The following NOMO1 variants were observed in gnomAD, a reference collection of about 807,000 sequenced individuals.
The protein encoded by NOMO1 is NODAL modulator 1, also known as nodal modulator 3.
In NOMO1, 40 loss-of-function variants were observed where a neutral mutation model predicts 133.8. The observed-to-expected ratio is 0.30, with a 90% CI of 0.23 to 0.39. The LOEUF is 0.39. Among genes scored for constraint, NOMO1 ranks in the 10% least tolerant of loss-of-function variants. NOMO1 has a pLI of 1.00. For synonymous variants in NOMO1, 236 were observed against 570.5 expected, an observed-to-expected ratio of 0.41 and a Z score of 8.36; for missense variants, 462 against 1,419.9, an observed-to-expected ratio of 0.33 and a Z score of 10.84.
intron 6 of NOMO1, among the ~76,000 whole-genome samples, chr16:14,851,243 C>T (rs1963754601): frequency 6.6e-6 from 1 of 151,798 alleles, no homozygotes; most frequent in South Asian, 2.1e-4. Flanking sequence ...TGTTAGAAGT[C>T]AGGATAATGT....
intron 1 of NOMO1, among the ~76,000 whole-genome samples, chr16:14,837,364 A>G (rs1317029473): frequency 1.3e-5 from 2 of 152,074 alleles, no homozygotes; most frequent in African/African-American, 4.8e-5. Context: ...ATATGCATTG[A>G]TGTGAATCTG....
In NOMO1 at chr16:14,864,713, A is replaced by G. The variant is rs1441318371; in HGVS notation, c.1524A>G (p.Lys508=). 4 of 1,613,560 alleles carry G rather than the reference A, an allele frequency of 2.5e-6. No homozygotes were observed. ...FVQFLASVSG[K]VSCLDTCGDL... Reference sequence around the variant, plus strand: ...AGTTCTTGGCATCAGTTTCTGGGAAAGTCTCTTGTTTGGGTAAGATATCAC... The same window carrying G: ...AGTTCTTGGCATCAGTTTCTGGGAAGGTCTCTTGTTTGGGTAAGATATCAC... Residue 508 remains lysine, a synonymous_variant, in exon 13 of 31, where the codon AAA becomes AAG. Coordinates refer to ENST00000287667, the MANE Select transcript of NOMO1 (RefSeq NM_014287.4).
At chr16:14,850,140 G>A (rs1248195611) in intron 6 of NOMO1, among the ~76,000 whole-genome samples, 3 of 148,126 alleles carry the variant, frequency 2.0e-5, no homozygotes, top group Non-Finnish European at 4.5e-5. Context: ...GGGCGATCTC[G>A]GCTCATTGCA....
chr16:14,879,741 A>G (rs1021207354), intron 23 of NOMO1, among the ~76,000 whole-genome samples: 4 of 136,326 alleles, frequency 2.9e-5, no homozygotes, highest in Admixed American at 1.5e-4. Flanking sequence ...CCTGTCTCAG[A>G]AAAAAAAAAA....
At chr16:14,839,697 T>C (rs1191893074) in intron 2 of NOMO1, among the ~76,000 whole-genome samples, 1 of 151,522 alleles carries the variant, frequency 6.6e-6, no homozygotes, top group African/African-American at 2.4e-5. Flanking sequence ...TTTGGTTTTT[T>C]CCTCTTGCAT....
chr16:14,882,962 G>T (rs887432884), intron 26 of NOMO1, among the ~76,000 whole-genome samples: 5 of 152,074 alleles, frequency 3.3e-5, no homozygotes, highest in Non-Finnish European at 7.3e-5. Flanking sequence ...GGAACTTAAG[G>T]CCTAAGCAGC....
At position 14,882,577 on chromosome 16, in the gene NOMO1, C is replaced by CCT; in HGVS notation, c.3028-16_3028-15dup. ...AAGCCCCCTTTCTAGAGAGCTGACT[C>CCT]CTGAGTTTTTTTGCAGCCGGGATGT... is the stretch of plus-strand genomic sequence containing the variant. On this transcript the variant is annotated splice_polypyrimidine_tract_variant and intron_variant, in intron 25 of 30. Transcript: ENST00000287667. 6.2e-7 allele frequency: 1 copy of CCT among 1,611,558 alleles called. No individual in the cohort carries two copies. The highest frequency in any genetic ancestry group is 8.5e-7 in the Non-Finnish European group (1 of 1,179,796).
In NOMO1 at chr16:14,882,852, A is replaced by G. The variant is rs2301206; in HGVS notation, c.3111+175A>G. Among the ~76,000 whole-genome samples, 48 of 151,964 alleles carry G rather than the reference A, an allele frequency of 3.2e-4. 1 individual carries two copies. Among genetic ancestry groups the G allele is most frequent in the African/African-American group, 5.3e-4 (22 of 41,400 alleles). Reference sequence around the variant, plus strand: ...AAGCAGCATCTTATGTGGGTTTTTAATGAACAGCGTTGCTGTCATGCATCC... The same window carrying G: ...AAGCAGCATCTTATGTGGGTTTTTAGTGAACAGCGTTGCTGTCATGCATCC... On this transcript the variant is annotated intron_variant, in intron 26 of 30. Transcript: ENST00000287667.
chr16:14,843,634 A>C (rs1264279949), intron 3 of NOMO1, among the ~76,000 whole-genome samples: 1 of 151,032 alleles, frequency 6.6e-6, no homozygotes, highest in Non-Finnish European at 1.5e-5. Context: ...ACTTTTTTGT[A>C]TGTTTATGTT....
intron 3 of NOMO1, among the ~76,000 whole-genome samples, chr16:14,843,393 G>A (rs1029433437): frequency 3.0e-4 from 46 of 150,882 alleles, no homozygotes; most frequent in African/African-American, 1.0e-3. Flanking sequence ...GAGTAAAGTC[G>A]CTGAGCCATA....
At chr16:14,866,443 A>T (rs933164746) in intron 14 of NOMO1, 112 bp from the exon 15 acceptor site, 274 of 1,600,018 alleles carry the variant, frequency 1.7e-4, no homozygotes, top group Non-Finnish European at 2.3e-4. Context: ...TTATGTCTAC[A>T]TACACACCTG....
rs913099589 is a variant in NOMO1 at position 14,871,536 on chromosome 16, A to C, written c.1895-85A>C. ...TACGTTTGAGTTTTCACATGCAAAG[A>C]GCTGCCACTCGATTTCAGATGTCGG... On this transcript the variant is annotated intron_variant, in intron 16 of 30. Coordinates refer to ENST00000287667, the MANE Select transcript of NOMO1 (RefSeq NM_014287.4). The C allele has an allele frequency of 5.0e-6, 8 of 1,603,250 alleles. No homozygotes were observed. The African/African-American group carries it at 9.4e-5, about 19-fold the overall frequency.
intron 6 of NOMO1, among the ~76,000 whole-genome samples, chr16:14,850,407 C>A (rs1048060760): frequency 4.0e-5 from 6 of 151,452 alleles, no homozygotes; most frequent in Non-Finnish European, 7.4e-5. Flanking sequence ...TTTTAAATTT[C>A]TTTAGCTGGT....
At chr16:14,873,706 A>G (rs1414145631) in intron 18 of NOMO1, among the ~76,000 whole-genome samples, 1 of 151,728 alleles carries the variant, frequency 6.6e-6, no homozygotes, top group Non-Finnish European at 1.5e-5. Flanking sequence ...TCATTTTTGT[A>G]ACTTCACAAG....
At chr16:14,884,584 G>A (rs1964294667) in intron 27 of NOMO1, 102 bp downstream of exon 27, 3 of 1,577,100 alleles carry the variant, frequency 1.9e-6, no homozygotes, top group Non-Finnish European at 1.7e-6. Flanking sequence ...TGCCTTAGGT[G>A]TGACAGGTGG....
At chr16:14,836,180 C>T (rs1963505208) in intron 1 of NOMO1, among the ~76,000 whole-genome samples, 1 of 152,056 alleles carries the variant, frequency 6.6e-6, no homozygotes, top group South Asian at 2.1e-4. Flanking sequence ...GCCTCCCTAA[C>T]CGGTCTAGGC....
chr16:14,886,902 T>C, intron 28 of NOMO1, 40 bp downstream of exon 28: 1 of 1,599,134 alleles, frequency 6.3e-7, no homozygotes, highest in Non-Finnish European at 8.6e-7. Flanking sequence ...GCCTTTGTTT[T>C]AATAATTCTG....
intron 15 of NOMO1, 146 bp from the exon 16 acceptor site, chr16:14,868,402 G>A (rs1349491877): frequency 5.1e-6 from 3 of 586,420 alleles, no homozygotes; most frequent in Non-Finnish European, 9.2e-6. Flanking sequence ...TGGAAGTTTT[G>A]GGAGGTTTTT....
At chr16:14,860,672 G>A (rs1963911005) in intron 11 of NOMO1, among the ~76,000 whole-genome samples, 1 of 151,936 alleles carries the variant, frequency 6.6e-6, no homozygotes, top group African/African-American at 2.4e-5. Context: ...CTGGGTAGAT[G>A]GAGGCGGCGC....
Sources: gnomAD v4.1 joint callset for allele counts (sites outside exome capture counted in the v4.1 genomes callset) on GRCh38, gnomAD v4.1.1 for gene constraint, MANE v1.5 for transcripts, NCBI Gene and HGNC (gene_info 2026-07-23, HGNC 2026-07-21) for gene names.